MAGI1: variants seen among roughly 807,000 people sequenced by gnomAD.
MAGI1 encodes the protein membrane-associated guanylate kinase, WW and PDZ domain-containing protein 1.
Under a neutral mutation model 139.9 loss-of-function variants are expected in MAGI1, and 58 were observed. The observed-to-expected ratio is 0.41, with a 90% CI of 0.34 to 0.52. The LOEUF (loss-of-function observed/expected upper bound fraction) is 0.52. MAGI1 is among the 20% of genes least tolerant of loss of function. The pLI is 0.12. For missense variants in MAGI1, 1,874 were observed against 1,901.6 expected, an observed-to-expected ratio of 0.99 and a Z score of 0.27; for synonymous variants, 812 against 737.9, an observed-to-expected ratio of 1.10 and a Z score of -1.63.
At position 65,509,154 on chromosome 3, in the gene MAGI1, T is replaced by C. The variant is rs182195653; in HGVS notation, c.431-15523A>G. On this transcript the variant is annotated intron_variant, in intron 2 of 22. Coordinates refer to ENST00000402939, the MANE Select transcript of MAGI1 (RefSeq NM_001033057.2). ...AAAGTGTTTAATTGAAGCTATTGCC[T>C]TGGCCTCCAATGGGTTGTTTCAAAA... Among the ~76,000 whole-genome samples the C allele has an allele frequency of 1.2e-4, 12 of 98,918 alleles. No individual in the cohort carries two copies. The East Asian group carries it at 3.8e-3, about 31-fold the overall frequency. 64.9% of individuals were successfully genotyped at this position (98,918 alleles called of 152,430 possible).
chr3:65,686,384 T>C (rs750220222), intron 1 of MAGI1, among the ~76,000 whole-genome samples: 32 of 152,190 alleles, frequency 2.1e-4, no homozygotes, highest in Non-Finnish European at 3.4e-4. Flanking sequence ...TTCCGCCTCC[T>C]GGATTCAAGC....
At chr3:65,991,999 G>A (rs953227289) in intron 1 of MAGI1, among the ~76,000 whole-genome samples, 1 of 149,670 alleles carries the variant, frequency 6.7e-6, no homozygotes, top group African/African-American at 2.5e-5. Context: ...TGGGTGACAA[G>A]AGCAGAACTC....
chr3:65,695,303 C>T, intron 1 of MAGI1, among the ~76,000 whole-genome samples: 1 of 119,624 alleles, frequency 8.4e-6, no homozygotes, highest in South Asian at 3.2e-4. Context: ...GCATCACCCC[C>T]ATTAAATAAT....
At chr3:65,395,636 CAAAAAAAAAAA>C (rs58806140) in intron 13 of MAGI1, among the ~76,000 whole-genome samples, 1 of 19,172 alleles carries the variant, frequency 5.2e-5, no homozygotes, top group African/African-American at 1.7e-4. Flanking sequence ...GACTCCATCT[CAAAAAAAAAAA>C]AAAAAAAAAA....
At chr3:65,987,646 G>A (rs1305278750) in intron 1 of MAGI1, among the ~76,000 whole-genome samples, 1 of 151,836 alleles carries the variant, frequency 6.6e-6, no homozygotes, top group Non-Finnish European at 1.5e-5. Flanking sequence ...CCAGGCTGGA[G>A]TGCAATGGCA....
At chr3:65,796,011 A>C (rs1238586030) in intron 1 of MAGI1, among the ~76,000 whole-genome samples, 1 of 148,810 alleles carries the variant, frequency 6.7e-6, no homozygotes, top group African/African-American at 2.5e-5. Flanking sequence ...AGATCGTGCC[A>C]CTGCACTCCA....
At chr3:65,457,975 A>G (rs1484697362) in intron 5 of MAGI1, among the ~76,000 whole-genome samples, 1 of 152,078 alleles carries the variant, frequency 6.6e-6, no homozygotes. Flanking sequence ...GCCTCTGGTA[A>G]CCATCATTCT....
At chr3:65,685,409 T>C (rs922070582) in intron 1 of MAGI1, among the ~76,000 whole-genome samples, 3 of 152,190 alleles carry the variant, frequency 2.0e-5, no homozygotes, top group Non-Finnish European at 2.9e-5. Flanking sequence ...AACTTTTTCC[T>C]CAAATTTTAA....
At chr3:65,952,150 C>T (rs564319287) in intron 1 of MAGI1, among the ~76,000 whole-genome samples, 2 of 152,230 alleles carry the variant, frequency 1.3e-5, no homozygotes, top group East Asian at 3.9e-4. Context: ...ATTTGCAGAT[C>T]CCCTATTTCT....
At chr3:65,674,736 C>G (rs1322201135) in intron 1 of MAGI1, among the ~76,000 whole-genome samples, 1 of 152,174 alleles carries the variant, frequency 6.6e-6, no homozygotes, top group Non-Finnish European at 1.5e-5. Flanking sequence ...ATGCAACCCG[C>G]TGTATAATTC....
At chr3:65,939,017 T>C (rs1170556481) in intron 1 of MAGI1, among the ~76,000 whole-genome samples, 4 of 152,190 alleles carry the variant, frequency 2.6e-5, no homozygotes, top group African/African-American at 9.6e-5. Flanking sequence ...AGTAAAACAC[T>C]AGCACTAGTA....
intron 2 of MAGI1, among the ~76,000 whole-genome samples, chr3:65,568,551 T>C (rs987598181): frequency 6.6e-6 from 1 of 152,184 alleles, no homozygotes; most frequent in African/African-American, 2.4e-5. Flanking sequence ...ATAGATTTCA[T>C]TTCTATAGCA....
chr3:65,839,155 T>C (rs2058724802), intron 1 of MAGI1, among the ~76,000 whole-genome samples: 1 of 152,174 alleles, frequency 6.6e-6, no homozygotes, highest in South Asian at 2.1e-4. Context: ...TATACAATGG[T>C]GGTCCCATAA....
chr3:65,852,979 C>CAAAAAAAAAA (rs57460083), intron 1 of MAGI1, among the ~76,000 whole-genome samples: 7 of 104,152 alleles, frequency 6.7e-5, no homozygotes, highest in African/African-American at 1.2e-4. Flanking sequence ...ACTAAAAATA[C>CAAAAAAAAAA]AAAAAAAAAA....
chr3:65,483,747 T>C (rs1289151019), intron 3 of MAGI1, among the ~76,000 whole-genome samples: 1 of 152,052 alleles, frequency 6.6e-6, no homozygotes. Flanking sequence ...ACAGGGAGGG[T>C]AGCCAGGGAG....
At chr3:65,738,210 A>G (rs2034946224) in intron 1 of MAGI1, among the ~76,000 whole-genome samples, 1 of 152,256 alleles carries the variant, frequency 6.6e-6, no homozygotes, top group South Asian at 2.1e-4. Flanking sequence ...GAATATTGCA[A>G]TAAAGCAGGT....
chr3:65,862,050 C>G (rs563197583), intron 1 of MAGI1, among the ~76,000 whole-genome samples: 1 of 152,284 alleles, frequency 6.6e-6, no homozygotes, highest in Non-Finnish European at 1.5e-5. Flanking sequence ...TTCAATTCTT[C>G]TCTTTGCACT....
At chr3:65,675,136 A>G (rs531280324) in intron 1 of MAGI1, among the ~76,000 whole-genome samples, 1 of 152,274 alleles carries the variant, frequency 6.6e-6, no homozygotes, top group East Asian at 1.9e-4. Flanking sequence ...TGTCAGTCTC[A>G]ATCACAATGT....
chr3:65,669,334 C>T (rs556349220), intron 1 of MAGI1, among the ~76,000 whole-genome samples: 1 of 152,278 alleles, frequency 6.6e-6, no homozygotes, highest in South Asian at 2.1e-4. Flanking sequence ...CAAAATTGCT[C>T]TTGTTTGATG....
Sources: gnomAD v4.1 joint callset for allele counts (sites outside exome capture counted in the v4.1 genomes callset) on GRCh38, gnomAD v4.1.1 for gene constraint, MANE v1.5 for transcripts, NCBI Gene and HGNC (gene_info 2026-07-23, HGNC 2026-07-21) for gene names.